LDHB: variants seen among roughly 807,000 people sequenced by gnomAD.
LDHB encodes the protein lactate dehydrogenase B.
LDHB carries 18 observed loss-of-function variants against 33.4 expected under a neutral mutation model. That is an observed-to-expected ratio of 0.54 (90% CI 0.37 to 0.80). The LOEUF (loss-of-function observed/expected upper bound fraction) is 0.80, where lower values mean the gene tolerates loss of function less well. Ranked by LOEUF, LDHB falls within the 30% of genes least tolerant of loss-of-function variation. The pLI is 0.00. For synonymous variants in LDHB, 121 were observed against 140.6 expected (o/e 0.86, Z 0.98); for missense variants, 345 against 407.9 (o/e 0.85, Z 1.33).
At chr12:21,644,580 C>T (rs1938471876) in intron 3 of LDHB, among the ~76,000 whole-genome samples, 1 of 152,060 alleles carries the variant, frequency 6.6e-6, no homozygotes, top group African/African-American at 2.4e-5. Context: ...TTTTAGGAAG[C>T]TTATTTGCTT....
intron 2 of LDHB, among the ~76,000 whole-genome samples, chr12:21,650,384 C>T (rs1325283073): frequency 1.1e-4 from 17 of 152,134 alleles, no homozygotes; most frequent in Admixed American, 1.1e-3. Flanking sequence ...TACTTTTAAG[C>T]CCAGTCTTGC....
rs1401406916 is a variant in LDHB at position 21,650,394 on chromosome 12, C to A, written c.130-3378G>T. Among the ~76,000 whole-genome samples, 10 of 152,314 alleles carry A rather than the reference C, an allele frequency of 6.6e-5. No individual in the cohort carries two copies. In the South Asian group the frequency reaches 2.1e-3, roughly 32 times the overall value. On this transcript the variant is annotated intron_variant, in intron 2 of 7. Coordinates refer to ENST00000350669, the MANE Select transcript of LDHB (RefSeq NM_002300.8). ...TGTTTTACTTTTAAGCCCAGTCTTG[C>A]ACTGCAAAAACTACTTTGCAATTTG...
chr12:21,654,905 G>A (rs969579205), intron 1 of LDHB, among the ~76,000 whole-genome samples: 3 of 151,770 alleles, frequency 2.0e-5, no homozygotes, highest in Non-Finnish European at 4.4e-5. Flanking sequence ...GGTGGATCAC[G>A]AGGTCAAGAG....
chr12:21,643,541 T>C (rs1938430053), intron 4 of LDHB: 1 of 181,168 alleles, frequency 5.5e-6, no homozygotes, highest in Admixed American at 5.6e-5. Context: ...AAAGTTGATC[T>C]GTTTCAATTC....
chr12:21,647,102 A>G lies in LDHB; in HGVS notation c.130-86T>C, dbSNP rs1938548019. The G allele has an allele frequency of 1.2e-5, 9 of 772,468 alleles. No homozygotes were observed. The South Asian group carries it at 1.2e-4, about 10-fold the overall frequency. 47.9% of individuals were successfully genotyped at this position (772,468 alleles called of 1,614,324 possible). ...TCTAACCCAAAGAAAGATCTTTAAC[A>G]TGGCTAAGCACCAAAGATCTAAACA... On this transcript the variant is annotated intron_variant, in intron 2 of 7. Transcript: ENST00000350669.
intron 5 of LDHB, 47 bp from the exon 6 acceptor site, chr12:21,638,517 T>A (rs1242015250): frequency 7.8e-7 from 1 of 1,288,286 alleles, no homozygotes; most frequent in Non-Finnish European, 1.1e-6. Flanking sequence ...TCTTACATTA[T>A]TTTAAAAAAT....
rs1375755898 is a variant in LDHB at position 21,638,385 on chromosome 12, A to C, written c.681T>G (p.Asn227Lys). The C allele has an allele frequency of 1.9e-6, 3 of 1,609,572 alleles. No homozygotes were observed. The highest frequency in any genetic ancestry group is 2.5e-6 in the Non-Finnish European group (3 of 1,176,582). ...CCACCATCTTATGCACTTCCTTCCA[A>C]TTTTCACTATCATTGTCAGTTCCCA... Reference protein sequence around the residue: ...PEMGTDNDSENWKEVHKMVVE... With the variant: ...PEMGTDNDSEKWKEVHKMVVE... Residue 227 changes from asparagine (N) to lysine (K), a missense_variant, in exon 6 of 8, where the codon AAT becomes AAG. Physicochemically the swap from Asn to Lys is moderately conservative, Grantham distance 94 (BLOSUM62 0). Transcript: ENST00000350669.
intron 2 of LDHB, among the ~76,000 whole-genome samples, chr12:21,650,132 A>AT (rs1938642962): frequency 6.7e-6 from 1 of 149,154 alleles, no homozygotes; most frequent in Admixed American, 6.7e-5. Flanking sequence ...ACACACACAC[A>AT]CACACACACA....
rs560145124 is a variant in LDHB at position 21,642,013 on chromosome 12, T to G, written c.534A>C (p.Lys178Asn). Residue 178 changes from lysine to asparagine, a missense_variant, in exon 5 of 8, where the codon AAA (lysine) becomes AAC (asparagine). Physicochemically the swap from Lys to Asn is moderately conservative, Grantham distance 94. Transcript: ENST00000350669. ...GGCAGCTGCTGGGATGAATGCCAAG[T>G]TTTTCAGCCATAAGGTAGCGAAATC... ...SARFRYLMAE[K>N]LGIHPSSCHG... 1.9e-6 allele frequency: 3 copies of G among 1,613,518 alleles called. No individual in the cohort carries two copies. Among genetic ancestry groups the G allele is most frequent in the Non-Finnish European group, 2.5e-6 (3 of 1,179,740 alleles).
chr12:21,644,433 A>AAAAAAAC (rs1938463409), intron 3 of LDHB, among the ~76,000 whole-genome samples: 3 of 140,978 alleles, frequency 2.1e-5, no homozygotes, highest in African/African-American at 7.8e-5. Context: ...TCAAAAAAAA[A>AAAAAAAC]AAAAAAAAAA....
chr12:21,644,160 A>G, intron 3 of LDHB, 52 bp from the exon 4 acceptor site: 1 of 1,294,208 alleles, frequency 7.7e-7, no homozygotes, highest in Non-Finnish European at 1.1e-6. Flanking sequence ...CTTCATTATA[A>G]CATAACCTAT....
intron 2 of LDHB, among the ~76,000 whole-genome samples, chr12:21,653,694 TAAC>T (rs1161221533): frequency 4.0e-5 from 6 of 148,312 alleles, no homozygotes; most frequent in East Asian, 2.0e-4. Flanking sequence ...AGAGTATAAA[TAAC>T]AACATGTTAA....
At chr12:21,646,837 C>T in intron 3 of LDHB, 62 bp downstream of exon 3, 1 of 938,238 alleles carries the variant, frequency 1.1e-6, no homozygotes, top group South Asian at 1.3e-5. Context: ...AAGATGCATT[C>T]CAAATGTGTT....
Position 21,651,951 on chromosome 12 carries a change from T to C in LDHB, c.129+2592A>G, listed in dbSNP as rs184482727. ...AAGATAAAGGGAAAAGAACGCTAGATTGAAAAACAGAAATCATAGTCTCTG... is the reference window on the plus strand; with the variant it reads ...AAGATAAAGGGAAAAGAACGCTAGACTGAAAAACAGAAATCATAGTCTCTG... On this transcript the variant is annotated intron_variant, in intron 2 of 7. Transcript: ENST00000350669. Among the ~76,000 whole-genome samples the C allele has an allele frequency of 6.7e-3, 1,024 of 152,326 alleles. 9 individuals are homozygous for C. Among genetic ancestry groups the C allele is most frequent in the African/African-American group, 0.023 (967 of 41,570 alleles).
At chr12:21,640,990 C>T (rs1938357455) in intron 5 of LDHB, among the ~76,000 whole-genome samples, 1 of 152,038 alleles carries the variant, frequency 6.6e-6, no homozygotes, top group Non-Finnish European at 1.5e-5. Flanking sequence ...AAATTTCTGT[C>T]TTACAGTGGA....
At chr12:21,649,866 C>A (rs945257565) in intron 2 of LDHB, among the ~76,000 whole-genome samples, 3 of 151,944 alleles carry the variant, frequency 2.0e-5, no homozygotes, top group African/African-American at 7.3e-5. Flanking sequence ...CTGAGGCAGG[C>A]AGATCACCTG....
chr12:21,654,551 G>C lies in LDHB; in HGVS notation c.121C>G (p.Leu41Val). ...QVGMACAISI[L>V]GKSLADELAL... ...GTGTTCTTGAAATGTACCTTTCCCAGAATGCTGATAGCACACGCCATACCA... is the reference window on the plus strand; with the variant it reads ...GTGTTCTTGAAATGTACCTTTCCCACAATGCTGATAGCACACGCCATACCA... Residue 41 changes from leucine (L) to valine (V), a missense_variant, in exon 2 of 8, where the codon CTG becomes GTG. Transcript: ENST00000350669. 8 of 1,614,056 alleles carry C rather than the reference G, an allele frequency of 5.0e-6. No homozygotes were observed. Among genetic ancestry groups the C allele is most frequent in the Non-Finnish European group, 6.8e-6 (8 of 1,179,950 alleles).
chr12:21,650,138 A>ACC (rs1565629840), intron 2 of LDHB, among the ~76,000 whole-genome samples: 4 of 149,160 alleles, frequency 2.7e-5, no homozygotes, highest in African/African-American at 1.0e-4. Context: ...ACACACACAC[A>ACC]CACACACACA....
chr12:21,654,938 T>G (rs1210414461), intron 1 of LDHB, among the ~76,000 whole-genome samples: 1 of 151,730 alleles, frequency 6.6e-6, no homozygotes, highest in Non-Finnish European at 1.5e-5. Context: ...CTGGCCAACA[T>G]GGTGAAACCC....
Sources: allele counts gnomAD v4.1 joint callset (sites outside exome capture counted in the v4.1 genomes callset), GRCh38; gene constraint gnomAD v4.1.1; transcripts MANE v1.5; gene names NCBI Gene and HGNC (gene_info 2026-07-23, HGNC 2026-07-21).